DENND5B: variants seen among roughly 807,000 people sequenced by gnomAD.
DENND5B encodes the protein DENN domain-containing protein 5B.
In DENND5B, 34 loss-of-function variants were observed where a neutral mutation model predicts 140.6. The ratio of observed to expected loss-of-function variants is 0.24; its 90% CI spans 0.18 to 0.32. The LOEUF is 0.32. Ranked by LOEUF, DENND5B falls within the 10% of genes least tolerant of loss-of-function variation. The pLI is 1.00. For synonymous variants in DENND5B, 551 were observed against 562.1 expected (o/e 0.98, Z 0.28); for missense variants, 1,142 against 1,560.2 (o/e 0.73, Z 4.52).
At chr12:31,491,847 G>A (rs1244192444) in intron 2 of DENND5B, among the ~76,000 whole-genome samples, 1 of 152,134 alleles carries the variant, frequency 6.6e-6, no homozygotes, top group South Asian at 2.1e-4. Flanking sequence ...CTTAATTTAT[G>A]TATGAAATTA....
At chr12:31,532,702 G>C in intron 1 of DENND5B, among the ~76,000 whole-genome samples, 1 of 152,104 alleles carries the variant, frequency 6.6e-6, no homozygotes, top group African/African-American at 2.4e-5. Flanking sequence ...TGGGGGAATT[G>C]GGAAAAATAA....
intron 2 of DENND5B, among the ~76,000 whole-genome samples, chr12:31,493,816 G>A (rs2138713709): frequency 6.6e-6 from 1 of 152,310 alleles, no homozygotes; most frequent in Admixed American, 6.5e-5. Flanking sequence ...GGGTGACAGA[G>A]CGAGACTATC....
At position 31,383,512 on chromosome 12, in the gene DENND5B, T is replaced by C. The variant is rs931553908; in HGVS notation, c.*4091A>G. 1 of 152,162 alleles carries C rather than the reference T, an allele frequency of 6.6e-6. No homozygotes were observed. Among genetic ancestry groups the C allele is most frequent in the Non-Finnish European group, 1.5e-5 (1 of 68,026 alleles). 9.4% of individuals were successfully genotyped at this position (152,162 alleles called of 1,614,324 possible). On this transcript the variant is annotated 3_prime_UTR_variant, in exon 21 of 21. Coordinates refer to ENST00000389082, the MANE Select transcript of DENND5B (RefSeq NM_144973.4). The stretch of plus-strand genomic sequence containing the variant: ...TTTTAAAAAGCCATGTGAAAGTAAA[T>C]ACCACAAGGTTACAAAAGGTACAAA...
rs1378965344 is a variant in DENND5B, at chr12:31,396,053, CTT to C, written c.3256+2120_3256+2121del. On this transcript the variant is annotated intron_variant, in intron 17 of 20. Transcript: ENST00000389082. ...TAGCTTCTGGTGGCTGTTGGCATTC[CTT>C]GTTTTTTTTTTTTTTTTTTTTTTGA... Among the ~76,000 whole-genome samples the C allele has an allele frequency of 2.1e-4, 22 of 102,860 alleles. 2 individuals are homozygous for C. Among genetic ancestry groups the C allele is most frequent in the African/African-American group, 7.1e-4 (21 of 29,568 alleles). 67.5% of individuals were successfully genotyped at this position (102,860 alleles called of 152,430 possible).
chr12:31,447,673 T>C lies in DENND5B; in HGVS notation c.1726A>G (p.Met576Val). 1 of 1,613,550 alleles carries C rather than the reference T, an allele frequency of 6.2e-7. No individual in the cohort carries two copies. The highest frequency in any genetic ancestry group is 8.5e-7 in the Non-Finnish European group (1 of 1,179,742). ...GGATCTTTCTCTTCCCACTGAGACA[T>C]AATTTTATTATCAATAAAGGTGGCA... ...MFATFIDNKI[M>V]SQWEEKDPLL... is the part of the protein sequence containing the mutation. The change falls in exon 6 of 21, where the codon ATG (methionine) becomes GTG (valine). Residue 576 changes from methionine (M) to valine (V), a missense_variant. This residue lies in a region of DENND5B where 708 missense variants were observed against 905.5 expected (regional missense o/e 0.78). Coordinates refer to ENST00000389082, the MANE Select transcript of DENND5B (RefSeq NM_144973.4).
chr12:31,564,484 C>A (rs1949566778), intron 1 of DENND5B, among the ~76,000 whole-genome samples: 1 of 151,806 alleles, frequency 6.6e-6, no homozygotes, highest in Non-Finnish European at 1.5e-5. Context: ...ACATTTCTGA[C>A]CAAAGCCTAA....
At chr12:31,407,474 T>C (rs1942190418) in intron 14 of DENND5B, among the ~76,000 whole-genome samples, 2 of 152,174 alleles carry the variant, frequency 1.3e-5, no homozygotes, top group African/African-American at 2.4e-5. Context: ...ACACCTGCAG[T>C]AACCTAATCA....
chr12:31,420,163 G>A, intron 11 of DENND5B: 1 of 731,060 alleles, frequency 1.4e-6, no homozygotes, highest in Non-Finnish European at 1.7e-6. Context: ...GTCTTGCTCT[G>A]TCACCCAAGC....
At chr12:31,547,995 C>T (rs535616275) in intron 1 of DENND5B, among the ~76,000 whole-genome samples, 95 of 152,190 alleles carry the variant, frequency 6.2e-4, no homozygotes, top group Non-Finnish European at 1.0e-3. Context: ...TGTGAGCCAC[C>T]GCACCCAGCC....
intron 1 of DENND5B, among the ~76,000 whole-genome samples, chr12:31,509,215 TCAA>T: frequency 6.6e-6 from 1 of 152,238 alleles, no homozygotes; most frequent in Middle Eastern, 3.4e-3. Flanking sequence ...AGCCTCAACA[TCAA>T]CGTTTACACA....
chr12:31,520,257 C>T (rs918366287), intron 1 of DENND5B, among the ~76,000 whole-genome samples: 7 of 152,170 alleles, frequency 4.6e-5, no homozygotes, highest in Admixed American at 1.3e-4. Context: ...AGATATTCTG[C>T]GTTGAAGTTC....
intron 4 of DENND5B, among the ~76,000 whole-genome samples, chr12:31,457,916 G>A (rs976669276): frequency 6.6e-5 from 10 of 151,622 alleles, no homozygotes; most frequent in Non-Finnish European, 1.2e-4. Flanking sequence ...GGGTTTCACC[G>A]TGTTATCCAG....
At chr12:31,439,177 T>A (rs1432796965) in intron 7 of DENND5B, among the ~76,000 whole-genome samples, 1 of 152,248 alleles carries the variant, frequency 6.6e-6, no homozygotes, top group Non-Finnish European at 1.5e-5. Flanking sequence ...ACTGCTTATT[T>A]TGTTCTGTCT....
Position 31,590,715 on chromosome 12 carries a change from C to T in DENND5B, c.118G>A (p.Glu40Lys). The T allele has an allele frequency of 6.8e-7, 1 of 1,476,156 alleles. No homozygotes were observed. The highest frequency in any genetic ancestry group is 8.9e-7 in the Non-Finnish European group (1 of 1,119,688). 91.4% of individuals were successfully genotyped at this position (1,476,156 alleles called of 1,614,324 possible). A position where few individuals can be genotyped will look rare whatever the true frequency, so the allele number is the denominator to read the frequency against. ...IDADSGLEPD[E>K]LAGENFDQSP... ...GCAGCCCTGGCCTTACCCGCCAGCTCGTCAGGCTCCAGCCCGCTGTCCGCG... is the reference window on the plus strand; with the variant it reads ...GCAGCCCTGGCCTTACCCGCCAGCTTGTCAGGCTCCAGCCCGCTGTCCGCG... Residue 40 changes from glutamate to lysine, a missense_variant, in exon 1 of 21, where the codon GAG becomes AAG. Transcript: ENST00000389082.
rs190283695 is a variant in DENND5B, at chr12:31,400,635, T to C, written c.2950-863A>G. Among the ~76,000 whole-genome samples, 66 of 152,302 alleles carry C rather than the reference T, an allele frequency of 4.3e-4. 1 individual carries two copies. The East Asian group carries it at 0.012, about 27-fold the overall frequency. On this transcript the variant is annotated intron_variant, in intron 15 of 20. Coordinates refer to ENST00000389082, the MANE Select transcript of DENND5B (RefSeq NM_144973.4). The stretch of plus-strand genomic sequence containing the variant: ...ATGGATTAATTGAGATATTTTGATA[T>C]AGGCATGCAATGCCTAATAACTGTA...
intron 2 of DENND5B, among the ~76,000 whole-genome samples, chr12:31,494,882 C>T (rs1017687544): frequency 1.3e-5 from 2 of 152,172 alleles, no homozygotes; most frequent in African/African-American, 2.4e-5. Context: ...CTTGCTCGGG[C>T]CTGCTCCCAC....
At chr12:31,534,292 T>G (rs894499231) in intron 1 of DENND5B, among the ~76,000 whole-genome samples, 6 of 152,088 alleles carry the variant, frequency 3.9e-5, no homozygotes, top group African/African-American at 1.4e-4. Flanking sequence ...CCCAAGTAGC[T>G]GGGATTACAG....
chr12:31,554,743 G>A (rs950347163), intron 1 of DENND5B, among the ~76,000 whole-genome samples: 3 of 152,244 alleles, frequency 2.0e-5, no homozygotes, highest in Admixed American at 6.5e-5. Context: ...ATTTCTTGGA[G>A]GCTTTGTTCA....
chr12:31,413,322 A>G (rs944056380), intron 13 of DENND5B, 114 bp downstream of exon 13: 17 of 1,252,634 alleles, frequency 1.4e-5, no homozygotes, highest in East Asian at 2.5e-5. Flanking sequence ...AGAAGAATGC[A>G]TGTGCACAGG....
Sources: gnomAD v4.1 joint callset for allele counts (sites outside exome capture counted in the v4.1 genomes callset) on GRCh38, gnomAD v4.1.1 for gene constraint, gnomAD v4.1.1 regional missense constraint, MANE v1.5 for transcripts, NCBI Gene and HGNC (gene_info 2026-07-23, HGNC 2026-07-21) for gene names.